Variants in NPAS3 observed in about 807,000 individuals in gnomAD.
NPAS3 encodes neuronal PAS domain protein 3.
NPAS3 carries 14 observed loss-of-function variants against 73.1 expected under a neutral mutation model. That is an observed-to-expected ratio of 0.19 (90% CI 0.13 to 0.30). The LOEUF (loss-of-function observed/expected upper bound fraction) is 0.30, where lower values mean the gene tolerates loss of function less well. NPAS3 is among the 10% of genes least tolerant of loss of function. The probability of loss-of-function intolerance (pLI) is 1.00; values close to 1 mark genes in which losing one functional copy is unlikely to be tolerated. For missense variants in NPAS3, 1,096 were observed against 1,250.0 expected, an observed-to-expected ratio of 0.88 and a Z score of 1.86; for synonymous variants, 620 against 541.5, an observed-to-expected ratio of 1.14 and a Z score of -2.01.
chr14:33,070,528 A>T (rs12436851), intron 2 of NPAS3, among the ~76,000 whole-genome samples: 30,254 of 152,196 alleles, frequency 0.2, 3,420 homozygotes, highest in Middle Eastern at 0.34. Context: ...GGCAGTGCAG[A>T]CAGTGGCTGT....
intron 5 of NPAS3, among the ~76,000 whole-genome samples, chr14:33,598,681 G>A (rs746620982): frequency 9.2e-5 from 14 of 152,136 alleles, no homozygotes; most frequent in East Asian, 3.8e-4. Context: ...AGCTACATAC[G>A]TTTGGGTTTG....
intron 4 of NPAS3, among the ~76,000 whole-genome samples, chr14:33,440,158 C>T (rs1164720456): frequency 6.6e-6 from 1 of 151,206 alleles, no homozygotes; most frequent in African/African-American, 2.4e-5. Flanking sequence ...GGGAGAGTGG[C>T]TGATTGTTGA....
intron 2 of NPAS3, among the ~76,000 whole-genome samples, chr14:33,072,742 C>A (rs1318201020): frequency 2.0e-5 from 3 of 152,118 alleles, no homozygotes; most frequent in Non-Finnish European, 4.4e-5. Flanking sequence ...GGGAACCTGC[C>A]CACATAGCCT....
chr14:33,705,983 C>G (rs1447262991), intron 6 of NPAS3, among the ~76,000 whole-genome samples: 1 of 152,184 alleles, frequency 6.6e-6, no homozygotes, highest in African/African-American at 2.4e-5. Flanking sequence ...TCTAAGGATA[C>G]AGTGATGTGT....
chr14:33,680,275 A>G (rs1229921460), intron 6 of NPAS3, among the ~76,000 whole-genome samples: 2 of 152,166 alleles, frequency 1.3e-5, no homozygotes, highest in Non-Finnish European at 2.9e-5. Context: ...GGAACTTTAA[A>G]ACTCTTCCTA....
At chr14:33,448,840 G>T (rs1462220389) in intron 4 of NPAS3, among the ~76,000 whole-genome samples, 3 of 152,204 alleles carry the variant, frequency 2.0e-5, no homozygotes, top group African/African-American at 7.2e-5. Context: ...ATCTGAACTG[G>T]CTTGGTCAGC....
At chr14:33,533,250 T>A (rs11156799) in intron 4 of NPAS3, among the ~76,000 whole-genome samples, 62,492 of 151,838 alleles carry the variant, frequency 0.41, 14,318 homozygotes, top group African/African-American at 0.64. Flanking sequence ...AAATATTACA[T>A]CGTATAAGGC....
intron 4 of NPAS3, among the ~76,000 whole-genome samples, chr14:33,492,495 A>C (rs982874509): frequency 2.6e-5 from 4 of 152,160 alleles, no homozygotes; most frequent in Non-Finnish European, 5.9e-5. Flanking sequence ...AAAGAGGAGA[A>C]TCGCTTGCTC....
At chr14:33,369,877 C>T (rs1359962138) in intron 4 of NPAS3, among the ~76,000 whole-genome samples, 1 of 152,166 alleles carries the variant, frequency 6.6e-6, no homozygotes, top group Non-Finnish European at 1.5e-5. Context: ...CCATGTTCAA[C>T]AATATCGCAA....
intron 1 of NPAS3, among the ~76,000 whole-genome samples, chr14:32,984,640 C>T (rs1047100431): frequency 7.2e-5 from 11 of 152,040 alleles, no homozygotes; most frequent in African/African-American, 2.2e-4. Context: ...AATTGGATGA[C>T]ATTGAGATAG....
chr14:33,641,615 C>A (rs375721391), intron 5 of NPAS3, among the ~76,000 whole-genome samples: 29 of 151,992 alleles, frequency 1.9e-4, no homozygotes, highest in African/African-American at 6.5e-4. Flanking sequence ...GGTTCTGATA[C>A]CTCTCTCCTG....
intron 7 of NPAS3, among the ~76,000 whole-genome samples, chr14:33,755,862 A>G (rs1041407434): frequency 4.6e-5 from 7 of 152,126 alleles, no homozygotes; most frequent in African/African-American, 1.7e-4. Context: ...GGAAGCTGGC[A>G]GGTGCGGTGA....
intron 1 of NPAS3, among the ~76,000 whole-genome samples, chr14:33,019,043 T>A (rs1014033873): frequency 5.9e-5 from 9 of 152,268 alleles, no homozygotes; most frequent in Admixed American, 2.0e-4. Flanking sequence ...TCTTTCTTTT[T>A]AATCTCTTAA....
At chr14:33,565,156 G>A (rs915913964) in intron 5 of NPAS3, among the ~76,000 whole-genome samples, 1 of 152,174 alleles carries the variant, frequency 6.6e-6, no homozygotes, top group Non-Finnish European at 1.5e-5. Flanking sequence ...GGTGAAAGGG[G>A]GTAAGTGGTT....
At position 33,110,368 on chromosome 14, in the gene NPAS3, A is replaced by G. The variant is rs557991110; in HGVS notation, c.140+54374A>G. 7.2e-4 allele frequency among the ~76,000 whole-genome samples: 109 copies of G among 152,254 alleles called. 1 individual carries two copies. Among genetic ancestry groups the G allele is most frequent in the African/African-American group, 2.6e-3 (108 of 41,554 alleles). ...CAGTATTAAAAAGTTATTTAAAAGAAGGTTTCCAGGCTGAAGTAAGTTTAG... is the reference window on the plus strand; with the variant it reads ...CAGTATTAAAAAGTTATTTAAAAGAGGGTTTCCAGGCTGAAGTAAGTTTAG... On this transcript the variant is annotated intron_variant, in intron 2 of 11. Coordinates refer to ENST00000356141, the Ensembl canonical transcript of NPAS3.
intron 5 of NPAS3, among the ~76,000 whole-genome samples, chr14:33,595,891 C>T (rs543879647): frequency 6.5e-4 from 99 of 152,216 alleles, no homozygotes; most frequent in African/African-American, 2.3e-3. Flanking sequence ...AGGATGGTCT[C>T]GATCTCCTGA....
intron 4 of NPAS3, among the ~76,000 whole-genome samples, chr14:33,483,447 C>T (rs2051428652): frequency 6.6e-6 from 1 of 152,146 alleles, no homozygotes; most frequent in Non-Finnish European, 1.5e-5. Flanking sequence ...AGCAAGAGAA[C>T]CACGAAATGC....
chr14:33,790,093 T>C (rs56244101), intron 9 of NPAS3, among the ~76,000 whole-genome samples: 60,075 of 151,684 alleles, frequency 0.4, 12,127 homozygotes, highest in East Asian at 0.57. Flanking sequence ...GAATCTCTCC[T>C]TCTAGTTCCT....
chr14:33,422,630 A>G (rs759417742), intron 4 of NPAS3, among the ~76,000 whole-genome samples: 3 of 151,820 alleles, frequency 2.0e-5, no homozygotes, highest in Non-Finnish European at 4.4e-5. Flanking sequence ...AGTCCCTTTT[A>G]TTCTCATCTA....
Sources: allele counts gnomAD v4.1 joint callset (sites outside exome capture counted in the v4.1 genomes callset), GRCh38; gene constraint gnomAD v4.1.1; transcripts MANE v1.5; gene names NCBI Gene and HGNC (gene_info 2026-07-23, HGNC 2026-07-21).